The following ACACA variants were observed in gnomAD, a reference collection of about 807,000 sequenced individuals.
The protein encoded by ACACA is acetyl-CoA carboxylase alpha, also known as acetyl-CoA carboxylase 1.
A neutral mutation model predicts 296.1 loss-of-function variants in ACACA; 103 were observed. The ratio of observed to expected loss-of-function variants is 0.35; its 90% CI spans 0.30 to 0.41. ACACA has a LOEUF of 0.41. Ranked by LOEUF, ACACA falls within the 10% of genes least tolerant of loss-of-function variation. ACACA has a pLI of 1.00. For missense variants in ACACA, 1,554 were observed against 2,989.7 expected (o/e 0.52, Z 11.20); for synonymous variants, 953 against 1,038.6 (o/e 0.92, Z 1.58).
rs11871055 is a variant in ACACA at position 37,248,458 on chromosome 17, C to T, written c.2163+135G>A. ...TAGAACAACAAACGCTGCTTCAGGACACTGACAAAAATAATGACGGTAATT... is the reference window on the plus strand; with the variant it reads ...TAGAACAACAAACGCTGCTTCAGGATACTGACAAAAATAATGACGGTAATT... On this transcript the variant is annotated intron_variant, in intron 17 of 55. Transcript: ENST00000616317. 3,162 of 785,074 alleles carry T rather than the reference C, an allele frequency of 4.0e-3. 82 individuals are homozygous for T. In the African/African-American group the frequency reaches 0.047, roughly 12 times the overall value. 48.6% of individuals were successfully genotyped at this position (785,074 alleles called of 1,614,324 possible).
intron 1 of ACACA, among the ~76,000 whole-genome samples, chr17:37,359,740 T>C (rs1157347886): frequency 6.6e-6 from 1 of 152,140 alleles, no homozygotes; most frequent in Admixed American, 6.5e-5. Context: ...GTCCACTACC[T>C]GTCCTCATCA....
intron 41 of ACACA, among the ~76,000 whole-genome samples, chr17:37,172,878 G>A (rs2076931238): frequency 6.6e-6 from 1 of 152,108 alleles, no homozygotes; most frequent in Admixed American, 6.5e-5. Context: ...ATAGACCATG[G>A]TCCTGTTTTA....
intron 1 of ACACA, among the ~76,000 whole-genome samples, chr17:37,356,998 C>G (rs2049172675): frequency 6.6e-6 from 1 of 152,154 alleles, no homozygotes; most frequent in Non-Finnish European, 1.5e-5. Context: ...TACACCTGAA[C>G]CTGTTCACAG....
rs188443393 is a variant in ACACA, at chr17:37,276,147, T to C, written c.803-98A>G. 1,979 of 881,582 alleles carry C rather than the reference T, an allele frequency of 2.2e-3. 18 individuals carry two copies. The highest frequency in any genetic ancestry group is 2.1e-3 in the Non-Finnish European group (1,071 of 520,794). The allele number at this position is 881,582 out of a possible 1,614,324, so 54.6% of individuals were successfully genotyped here. On this transcript the variant is annotated intron_variant, in intron 7 of 55. Transcript: ENST00000616317. ...TATTATAGCTATTTATGTATTTGTC[T>C]TGTCCTCCCCCCACCCCTCACATAT...
At chr17:37,328,925 G>T (rs928012321) in intron 3 of ACACA, 81 of 398,442 alleles carry the variant, frequency 2.0e-4, no homozygotes, top group Admixed American at 1.8e-4. Context: ...AAGGCTCCCC[G>T]AGGTGATTCT....
intron 1 of ACACA, among the ~76,000 whole-genome samples, chr17:37,376,854 C>T (rs958618629): frequency 1.3e-5 from 2 of 152,040 alleles, no homozygotes; most frequent in Non-Finnish European, 2.9e-5. Context: ...ACTCGGGTGG[C>T]TGAGGCATAA....
At chr17:37,268,758 T>TATATAGATAGATAG (rs745806560) in intron 10 of ACACA, among the ~76,000 whole-genome samples, 1 of 146,122 alleles carries the variant, frequency 6.8e-6, no homozygotes, top group East Asian at 2.0e-4. Context: ...TATATATATA[T>TATATAGATAGATAG]ATATATATAT....
chr17:37,129,771 A>C (rs2075001524), intron 46 of ACACA, among the ~76,000 whole-genome samples: 1 of 152,160 alleles, frequency 6.6e-6, no homozygotes, highest in African/African-American at 2.4e-5. Context: ...TGGCTATTAC[A>C]GAGGAGAAAA....
At chr17:37,227,690 C>T (rs1311742595) in intron 25 of ACACA, among the ~76,000 whole-genome samples, 1 of 152,058 alleles carries the variant, frequency 6.6e-6, no homozygotes, top group Admixed American at 6.6e-5. Context: ...GAAACCCCGT[C>T]TCTACTAAAA....
chr17:37,179,867 C>T (rs982442197), intron 40 of ACACA, among the ~76,000 whole-genome samples: 1 of 152,118 alleles, frequency 6.6e-6, no homozygotes, highest in African/African-American at 2.4e-5. Context: ...AGGGAAGAAA[C>T]CTCTTTCTAA....
chr17:37,103,505 T>A (rs2142880217), intron 52 of ACACA, among the ~76,000 whole-genome samples: 1 of 152,330 alleles, frequency 6.6e-6, no homozygotes. Context: ...TGTGTACACG[T>A]GTGTGAGTGT....
At chr17:37,381,819 G>A (rs1261213289) in intron 1 of ACACA, among the ~76,000 whole-genome samples, 2 of 151,420 alleles carry the variant, frequency 1.3e-5, no homozygotes, top group African/African-American at 4.9e-5. Context: ...GGTAGAGATG[G>A]GGTTTCACCG....
chr17:37,215,794 A>T (rs1184124575), intron 29 of ACACA, among the ~76,000 whole-genome samples: 1 of 152,022 alleles, frequency 6.6e-6, no homozygotes, highest in Non-Finnish European at 1.5e-5. Context: ...TTGGGCTCTA[A>T]ACCCTAAGAC....
Position 37,274,250 on chromosome 17 carries a change from A to G in ACACA, c.951T>C (p.Asn317=), listed in dbSNP as rs1411842114. The G allele has an allele frequency of 6.2e-7, 1 of 1,614,186 alleles. No homozygotes were observed. The highest frequency in any genetic ancestry group is 1.7e-5 in the Admixed American group (1 of 60,016). Residue 317 remains asparagine, a synonymous_variant, in exon 9 of 56, where the codon AAT becomes AAC. Coordinates refer to ENST00000616317, the MANE Select transcript of ACACA (RefSeq NM_198834.3). ...QENDFSKRIL[N]VPQELYEKGY... ...CTTTTTCATATAGCTCCTGGGGAAC[A>G]TTTAAGATACGTTTTGAAAAATCAT...
chr17:37,152,053 C>T (rs927548680), intron 43 of ACACA, among the ~76,000 whole-genome samples: 6 of 152,082 alleles, frequency 3.9e-5, no homozygotes, highest in African/African-American at 1.4e-4. Flanking sequence ...CCTCGGCCTC[C>T]CAAAGTGCTG....
At chr17:37,170,465 C>T (rs1304992066) in intron 41 of ACACA, among the ~76,000 whole-genome samples, 1 of 152,054 alleles carries the variant, frequency 6.6e-6, no homozygotes, top group Admixed American at 6.6e-5. Context: ...TATCACTGGA[C>T]AGGACGTGAA....
At chr17:37,233,608 C>G (rs990687365) in intron 25 of ACACA, among the ~76,000 whole-genome samples, 1 of 152,190 alleles carries the variant, frequency 6.6e-6, no homozygotes, top group African/African-American at 2.4e-5. Context: ...CTGACAGATT[C>G]TCCTACCCTC....
intron 50 of ACACA, 49 bp downstream of exon 50, chr17:37,121,306 G>A: frequency 1.2e-6 from 2 of 1,613,156 alleles, no homozygotes; most frequent in Non-Finnish European, 1.7e-6. Flanking sequence ...CTGCCGCAGA[G>A]TGCCCAGTAA....
intron 41 of ACACA, chr17:37,163,217 G>C (rs1169800232): frequency 5.5e-5 from 3 of 54,804 alleles, no homozygotes; most frequent in Non-Finnish European, 8.7e-5. Flanking sequence ...AAAAAAAAAA[G>C]AGTGTAGCAC....
Sources: gnomAD v4.1 joint callset for allele counts (sites outside exome capture counted in the v4.1 genomes callset) on GRCh38, gnomAD v4.1.1 for gene constraint, MANE v1.5 for transcripts, NCBI Gene and HGNC (gene_info 2026-07-23, HGNC 2026-07-21) for gene names.